Variants in DNER observed in about 807,000 individuals in gnomAD.
DNER encodes the protein delta and Notch-like epidermal growth factor-related receptor.
Under a neutral mutation model 78.2 loss-of-function variants are expected in DNER, and 33 were observed. The observed-to-expected ratio is 0.42, with a 90% confidence interval of 0.32 to 0.56. The LOEUF is 0.56. Ranked by LOEUF, DNER falls within the 20% of genes least tolerant of loss-of-function variation. The pLI, the probability that DNER is intolerant of heterozygous loss-of-function variation, is 0.11. For synonymous variants in DNER, 417 were observed against 384.8 expected (o/e 1.08, Z -0.98); for missense variants, 918 against 975.3 (o/e 0.94, Z 0.78).
intron 4 of DNER, among the ~76,000 whole-genome samples, chr2:229,557,787 G>A (rs1259458429): frequency 6.6e-6 from 1 of 151,802 alleles, no homozygotes; most frequent in Admixed American, 6.6e-5. Flanking sequence ...ATGGAGGAAA[G>A]AAAATGAAGG....
intron 11 of DNER, among the ~76,000 whole-genome samples, chr2:229,374,253 G>A (rs1692551515): frequency 7.1e-6 from 1 of 140,560 alleles, no homozygotes; most frequent in South Asian, 2.3e-4. Context: ...AGTAAGGAAA[G>A]GAAGGGGGGA....
chr2:229,671,637 A>G (rs1288651036), intron 1 of DNER, among the ~76,000 whole-genome samples: 1 of 152,158 alleles, frequency 6.6e-6, no homozygotes, highest in East Asian at 1.9e-4. Flanking sequence ...GTGCTCCATA[A>G]ATATGGGCTG....
In DNER at chr2:229,584,117, C is replaced by T. The variant is rs527508851; in HGVS notation, c.847+1741G>A. Among the ~76,000 whole-genome samples the T allele has an allele frequency of 6.6e-5, 10 of 152,220 alleles. No individual in the cohort carries two copies. The South Asian group carries it at 2.1e-3, about 32-fold the overall frequency. ...ATATTTTGGAGGGTGAGTCTAAATG[C>T]ATATTTTCCATTTAGCAAAATATTT... On this transcript the variant is annotated intron_variant, in intron 4 of 12. Transcript: ENST00000341772.
At chr2:229,621,684 C>T (rs1021619565) in intron 1 of DNER, among the ~76,000 whole-genome samples, 2 of 152,172 alleles carry the variant, frequency 1.3e-5, no homozygotes, top group African/African-American at 4.8e-5. Flanking sequence ...TCTGGGGCCA[C>T]CTGGATGCAC....
At chr2:229,607,755 G>A (rs189036426) in intron 1 of DNER, among the ~76,000 whole-genome samples, 39 of 152,194 alleles carry the variant, frequency 2.6e-4, no homozygotes, top group Middle Eastern at 3.4e-3. Flanking sequence ...GGGCGCGATA[G>A]CTCACACCTG....
At chr2:229,563,074 C>T (rs187649004) in intron 4 of DNER, among the ~76,000 whole-genome samples, 33 of 148,142 alleles carry the variant, frequency 2.2e-4, no homozygotes, top group African/African-American at 7.5e-4. Context: ...CCTCCTCACC[C>T]CATCACCATC....
At chr2:229,711,957 G>A (rs971020057) in intron 1 of DNER, among the ~76,000 whole-genome samples, 9 of 151,830 alleles carry the variant, frequency 5.9e-5, no homozygotes, top group Non-Finnish European at 1.2e-4. Flanking sequence ...GATCATGAAC[G>A]ATTAAATTAA....
At chr2:229,449,876 G>A (rs971850353) in intron 7 of DNER, among the ~76,000 whole-genome samples, 5 of 152,096 alleles carry the variant, frequency 3.3e-5, no homozygotes, top group African/African-American at 4.8e-5. Flanking sequence ...CTCTGCCTTC[G>A]GGTCAAGCGA....
At chr2:229,399,959 CT>C (rs1693233092) in intron 10 of DNER, among the ~76,000 whole-genome samples, 1 of 151,786 alleles carries the variant, frequency 6.6e-6, no homozygotes, top group Non-Finnish European at 1.5e-5. Flanking sequence ...ACCTAAGTGA[CT>C]TTGGAAATGG....
intron 6 of DNER, among the ~76,000 whole-genome samples, chr2:229,506,797 C>T (rs1016625174): frequency 2.8e-4 from 43 of 151,706 alleles, no homozygotes; most frequent in African/African-American, 8.7e-4. Context: ...TGATAGTTTG[C>T]TGAGAATGAT....
intron 2 of DNER, among the ~76,000 whole-genome samples, chr2:229,589,634 T>C (rs1201467636): frequency 1.3e-5 from 2 of 152,206 alleles, no homozygotes; most frequent in Non-Finnish European, 2.9e-5. Flanking sequence ...TTTTTCTTTT[T>C]TACACTTACC....
At chr2:229,434,838 G>A (rs781295124) in intron 8 of DNER, among the ~76,000 whole-genome samples, 18 of 151,644 alleles carry the variant, frequency 1.2e-4, no homozygotes, top group Non-Finnish European at 2.6e-4. Context: ...TTCTTTTCAA[G>A]CAACCAAAGA....
chr2:229,454,592 G>A (rs75000287), intron 7 of DNER, among the ~76,000 whole-genome samples: 6 of 151,498 alleles, frequency 4.0e-5, no homozygotes, highest in Non-Finnish European at 8.8e-5. Flanking sequence ...ACATACTGAG[G>A]AGAGAATACA....
At chr2:229,558,221 C>T (rs924239104) in intron 4 of DNER, among the ~76,000 whole-genome samples, 22 of 152,002 alleles carry the variant, frequency 1.4e-4, no homozygotes, top group African/African-American at 5.3e-4. Flanking sequence ...ACACTGGCGC[C>T]TTTTGGAGGG....
At chr2:229,454,860 T>C (rs1694537660) in intron 7 of DNER, among the ~76,000 whole-genome samples, 1 of 152,184 alleles carries the variant, frequency 6.6e-6, no homozygotes, top group South Asian at 2.1e-4. Flanking sequence ...ACACTTTTGG[T>C]ATATTATACA....
chr2:229,696,010 C>G (rs1244221129), intron 1 of DNER, among the ~76,000 whole-genome samples: 1 of 152,176 alleles, frequency 6.6e-6, no homozygotes, highest in Admixed American at 6.6e-5. Context: ...CCAGTTTGCA[C>G]TCCTTTCTAA....
intron 7 of DNER, among the ~76,000 whole-genome samples, chr2:229,467,296 C>T (rs1400623840): frequency 6.6e-6 from 1 of 152,040 alleles, no homozygotes; most frequent in East Asian, 1.9e-4. Context: ...TGAGGAGAGG[C>T]GTCAGTATCT....
intron 1 of DNER, among the ~76,000 whole-genome samples, chr2:229,630,447 G>C (rs979651962): frequency 6.6e-6 from 1 of 150,538 alleles, no homozygotes; most frequent in Non-Finnish European, 1.5e-5. Context: ...CTGCACCCCA[G>C]CCTGGGCGAC....
At chr2:229,690,225 G>T (rs1260326770) in intron 1 of DNER, among the ~76,000 whole-genome samples, 1 of 152,156 alleles carries the variant, frequency 6.6e-6, no homozygotes, top group Non-Finnish European at 1.5e-5. Context: ...GCATTTTAAA[G>T]CTCACCTAGA....
Sources: gnomAD v4.1 joint callset for allele counts (sites outside exome capture counted in the v4.1 genomes callset) on GRCh38, gnomAD v4.1.1 for gene constraint, MANE v1.5 for transcripts, NCBI Gene and HGNC (gene_info 2026-07-23, HGNC 2026-07-21) for gene names.